Variants in CLMN observed in about 807,000 individuals in gnomAD.
CLMN encodes calmin (calponin-like, transmembrane).
In CLMN, 57 loss-of-function variants were observed where a neutral mutation model predicts 92.7. The ratio of observed to expected loss-of-function variants is 0.61; its 90% CI spans 0.50 to 0.77. CLMN has a LOEUF of 0.77. Ranked by LOEUF, CLMN falls within the 30% of genes least tolerant of loss-of-function variation. The pLI is 0.00. For missense variants in CLMN, 1,158 were observed against 1,237.5 expected (o/e 0.94, Z 0.96); for synonymous variants, 466 against 470.6 (o/e 0.99, Z 0.13).
At position 95,186,492 on chromosome 14, in the gene CLMN, T is replaced by A. The variant is rs1269750755; in HGVS notation, c.*5072A>T. On this transcript the variant is annotated 3_prime_UTR_variant, in exon 13 of 13. Transcript: ENST00000298912. ...CATCAACTATGGCAAGATACAAACT[T>A]CGACGAGGCAATGTTGGCCACGTTC... 6.6e-6 allele frequency: 1 copy of A among 152,220 alleles called. No homozygotes were observed. Among genetic ancestry groups the A allele is most frequent in the African/African-American group, 2.4e-5 (1 of 41,454 alleles). The allele number at this position is 152,220 out of a possible 1,614,324, so 9.4% of individuals were successfully genotyped here. A position where few individuals can be genotyped will look rare whatever the true frequency, so the allele number is the denominator to read the frequency against.
rs141805928 is a variant in CLMN at position 95,275,139 on chromosome 14, C to A, written c.82+44572G>T. Among the ~76,000 whole-genome samples, 802 of 152,186 alleles carry A rather than the reference C, an allele frequency of 5.3e-3. 5 individuals carry two copies. The highest frequency in any genetic ancestry group is 0.018 in the African/African-American group (754 of 41,496). On this transcript the variant is annotated intron_variant, in intron 1 of 12. Coordinates refer to ENST00000298912, the MANE Select transcript of CLMN (RefSeq NM_024734.4). Reference sequence around the variant, plus strand: ...CCCAGACTCAGGGCACTTGCGGTCTCGTATGAAGACAGATGTCAGAGGCAT... The same window carrying A: ...CCCAGACTCAGGGCACTTGCGGTCTAGTATGAAGACAGATGTCAGAGGCAT...
At chr14:95,281,876 T>G (rs1402872444) in intron 1 of CLMN, among the ~76,000 whole-genome samples, 15 of 152,228 alleles carry the variant, frequency 9.9e-5, no homozygotes, top group Non-Finnish European at 1.8e-4. Context: ...TTCTGTTTTC[T>G]GGTACCAAGA....
rs1026350650 is a variant in CLMN, at chr14:95,202,874, C to T, written c.2475G>A (p.Arg825=). Residue 825 remains arginine, a synonymous_variant, in exon 9 of 13, where the codon AGG becomes AGA. Coordinates refer to ENST00000298912, the MANE Select transcript of CLMN (RefSeq NM_024734.4). The part of the protein sequence containing the change: ...PLAPHEDHQQ[R]ETKENDPMDS... Reference sequence around the variant, plus strand: ...CCATGGGGTCATTCTCTTTGGTCTCCCTTTGCTGGTGGTCCTCATGGGGGG... The same window carrying T: ...CCATGGGGTCATTCTCTTTGGTCTCTCTTTGCTGGTGGTCCTCATGGGGGG... 10 of 1,558,008 alleles carry T rather than the reference C, an allele frequency of 6.4e-6. No homozygotes were observed. Among genetic ancestry groups the T allele is most frequent in the Non-Finnish European group, 7.8e-6 (9 of 1,156,998 alleles).
chr14:95,241,523 A>G (rs1349711136), intron 1 of CLMN, among the ~76,000 whole-genome samples: 4 of 152,240 alleles, frequency 2.6e-5, no homozygotes, highest in Non-Finnish European at 5.9e-5. Flanking sequence ...ACCTGCCAAC[A>G]AAAAGTGACA....
intron 1 of CLMN, among the ~76,000 whole-genome samples, chr14:95,258,023 G>C (rs1223483892): frequency 1.3e-5 from 2 of 151,358 alleles, no homozygotes; most frequent in African/African-American, 4.9e-5. Flanking sequence ...GGGGGCTGTG[G>C]GCATGAGTGT....
At chr14:95,274,594 G>A in intron 1 of CLMN, among the ~76,000 whole-genome samples, 1 of 152,190 alleles carries the variant, frequency 6.6e-6, no homozygotes, top group African/African-American at 2.4e-5. Flanking sequence ...CCAGCACGCT[G>A]CCTCGTAAGA....
intron 1 of CLMN, among the ~76,000 whole-genome samples, chr14:95,290,711 G>T (rs2140757910): frequency 6.6e-6 from 1 of 152,348 alleles, no homozygotes; most frequent in Non-Finnish European, 1.5e-5. Context: ...TGCCACATCT[G>T]CATTGCTTGT....
chr14:95,196,545 G>C lies in CLMN; in HGVS notation c.2661C>G (p.Ser887=). Residue 887 remains serine, a synonymous_variant, in exon 10 of 13, where the codon TCC becomes TCG. Coordinates refer to ENST00000298912, the MANE Select transcript of CLMN (RefSeq NM_024734.4). The stretch of plus-strand genomic sequence containing the variant: ...TACTGTCTTCTTCTAGGTCATCTGA[G>C]GATTGAACACTTCCTGGTGCTACAA... ...SLFVAPGSVQ[S]SDDLEEDSSD... 1 of 1,614,138 alleles carries C rather than the reference G, an allele frequency of 6.2e-7. No individual in the cohort carries two copies. Among genetic ancestry groups the C allele is most frequent in the Non-Finnish European group, 8.5e-7 (1 of 1,180,016 alleles).
At chr14:95,282,258 T>G (rs1900169470) in intron 1 of CLMN, among the ~76,000 whole-genome samples, 1 of 152,080 alleles carries the variant, frequency 6.6e-6, no homozygotes, top group South Asian at 2.1e-4. Context: ...AGATTTGCAC[T>G]TCTAGGGAAC....
In CLMN at chr14:95,213,395, T is replaced by C. The variant is rs766499135; in HGVS notation, c.432A>G (p.Thr144=). 1.6e-5 allele frequency: 26 copies of C among 1,606,638 alleles called. No homozygotes were observed. In the South Asian group the frequency reaches 2.8e-4, roughly 17 times the overall value. Residue 144 remains threonine (T), a synonymous_variant, in exon 6 of 13, where the codon ACA becomes ACG. Coordinates refer to ENST00000298912, the MANE Select transcript of CLMN (RefSeq NM_024734.4). ...ATGGAGAGTTTCTGCTGAGGTTGCC[T>C]GTGAGCTCCTTAATCTGGAAGGAAA... ...IILFFQIKEL[T]GNLSRNSPSS...
intron 1 of CLMN, among the ~76,000 whole-genome samples, chr14:95,261,352 G>T (rs1030720259): frequency 6.6e-6 from 1 of 152,216 alleles, no homozygotes; most frequent in African/African-American, 2.4e-5. Flanking sequence ...GCGCACCTCC[G>T]TGAAAGACGA....
chr14:95,262,772 G>T (rs1899310425), intron 1 of CLMN, among the ~76,000 whole-genome samples: 1 of 152,072 alleles, frequency 6.6e-6, no homozygotes, highest in African/African-American at 2.4e-5. Flanking sequence ...TCCCTATGTT[G>T]CCCAGTCTGG....
intron 1 of CLMN, among the ~76,000 whole-genome samples, chr14:95,263,920 TGACCTCA>T (rs1899360550): frequency 6.6e-6 from 1 of 152,240 alleles, no homozygotes; most frequent in African/African-American, 2.4e-5. Context: ...AGTATCATCA[TGACCTCA>T]GACCCTCTGA....
At position 95,203,634 on chromosome 14, in the gene CLMN, T is replaced by C. The variant is rs2140575888; in HGVS notation, c.1715A>G (p.Asp572Gly). 6.2e-7 allele frequency: 1 copy of C among 1,614,096 alleles called. No individual in the cohort carries two copies. Among genetic ancestry groups the C allele is most frequent in the African/African-American group, 1.3e-5 (1 of 75,012 alleles). The stretch of plus-strand genomic sequence containing the variant: ...GAAAGCCTGGCTGGTAGAAGCAAAA[T>C]CTATTAGGTCGCTGTTAAATTTTGA... Reference protein sequence around the residue: ...KASKFNSDLIDFASTSQAFNK... With the variant: ...KASKFNSDLIGFASTSQAFNK... The change falls in exon 9 of 13, where the codon GAT becomes GGT. Residue 572 changes from aspartate to glycine, a missense_variant. By Grantham distance (94) the Asp-to-Gly change is moderately conservative (BLOSUM62 -1). Coordinates refer to ENST00000298912, the MANE Select transcript of CLMN (RefSeq NM_024734.4).
rs565368680 is a variant in CLMN, at chr14:95,264,288, G to A, written c.83-34155C>T. On this transcript the variant is annotated intron_variant, in intron 1 of 12. Coordinates refer to ENST00000298912, the MANE Select transcript of CLMN (RefSeq NM_024734.4). ...GGGCTCAAGCAATCTGCCTGCCTTG[G>A]CCTCCCAAAGTGCTGAGATTATAGG... Among the ~76,000 whole-genome samples the A allele has an allele frequency of 2.0e-5, 3 of 152,198 alleles. No homozygotes were observed. The South Asian group carries it at 6.2e-4, about 32-fold the overall frequency.
intron 1 of CLMN, among the ~76,000 whole-genome samples, chr14:95,270,222 T>A (rs559473347): frequency 1.3e-5 from 2 of 152,296 alleles, no homozygotes; most frequent in African/African-American, 4.8e-5. Context: ...CTCATTCAAT[T>A]TTTAAAGGAA....
intron 1 of CLMN, chr14:95,296,221 A>G (rs1309626474): frequency 6.6e-6 from 1 of 152,292 alleles, no homozygotes; most frequent in Non-Finnish European, 1.5e-5. Flanking sequence ...GCAAGAGACC[A>G]CACAAGACAG....
intron 1 of CLMN, among the ~76,000 whole-genome samples, chr14:95,293,075 T>C (rs753308721): frequency 4.6e-5 from 7 of 152,076 alleles, no homozygotes; most frequent in Non-Finnish European, 1.0e-4. Context: ...ACAATAACTA[T>C]GTCAGGGTAA....
rs534387458 is a variant in CLMN, at chr14:95,256,630, A to G, written c.83-26497T>C. Among the ~76,000 whole-genome samples the G allele has an allele frequency of 3.9e-5, 6 of 152,358 alleles. No homozygotes were observed. In the East Asian group the frequency reaches 9.6e-4, roughly 24 times the overall value. On this transcript the variant is annotated intron_variant, in intron 1 of 12. Transcript: ENST00000298912. This position sits in a 1 kb window ranked among gnomAD's most constrained non-coding sequence, Gnocchi z 4.9. Reference sequence around the variant, plus strand: ...ACGTGGAACTGTGCAAGACACTTACATGACCAGAAAGAAGACCAGGTGACT... The same window carrying G: ...ACGTGGAACTGTGCAAGACACTTACGTGACCAGAAAGAAGACCAGGTGACT...
Sources: gnomAD v4.1 joint callset for allele counts (sites outside exome capture counted in the v4.1 genomes callset) on GRCh38, gnomAD v4.1.1 for gene constraint, Gnocchi (gnomAD v3.1) non-coding constraint, MANE v1.5 for transcripts, NCBI Gene and HGNC (gene_info 2026-07-23, HGNC 2026-07-21) for gene names.